GSE1: variants seen among roughly 807,000 people sequenced by gnomAD.
GSE1 encodes Gse1 coiled-coil protein.
Under a neutral mutation model 112.6 loss-of-function variants are expected in GSE1, and 32 were observed. The observed-to-expected ratio is 0.28, with a 90% CI of 0.21 to 0.38. GSE1 has a LOEUF of 0.38. GSE1 is among the 10% of genes least tolerant of loss of function. The probability of loss-of-function intolerance (pLI) is 1.00; values close to 1 mark genes in which losing one functional copy is unlikely to be tolerated. For missense variants in GSE1, 2,348 were observed against 1,699.2 expected, an observed-to-expected ratio of 1.38 and a Z score of -6.71; for synonymous variants, 1,115 against 735.6, an observed-to-expected ratio of 1.52 and a Z score of -8.35.
intron 1 of GSE1, among the ~76,000 whole-genome samples, chr16:85,190,797 C>T (rs964095006): frequency 2.0e-5 from 3 of 152,204 alleles, no homozygotes; most frequent in African/African-American, 7.2e-5. Context: ...AGCTGCCAAG[C>T]CTGTGTGGGA....
chr16:85,652,574 G>A (rs2051461622), intron 3 of GSE1, among the ~76,000 whole-genome samples: 1 of 151,954 alleles, frequency 6.6e-6, no homozygotes, highest in Admixed American at 6.5e-5. Flanking sequence ...GGCTCCTCCA[G>A]TTAATCCTCG....
intron 1 of GSE1, among the ~76,000 whole-genome samples, chr16:85,575,239 C>T (rs1015015883): frequency 2.0e-5 from 3 of 152,242 alleles, no homozygotes; most frequent in Non-Finnish European, 4.4e-5. Flanking sequence ...GCAGCCACCT[C>T]TGCAACCTGC....
intron 2 of GSE1, among the ~76,000 whole-genome samples, chr16:85,639,038 C>T (rs898694594): frequency 2.0e-5 from 3 of 152,192 alleles, no homozygotes; most frequent in Non-Finnish European, 1.5e-5. Flanking sequence ...CAGGTTTGGG[C>T]GTGATCCTGA....
chr16:85,472,645 C>T (rs554286313), intron 2 of GSE1, among the ~76,000 whole-genome samples: 28 of 152,356 alleles, frequency 1.8e-4, no homozygotes, highest in African/African-American at 5.0e-4. Flanking sequence ...GCTCAGGACC[C>T]GGTCTGGCCT....
Position 85,438,374 on chromosome 16 carries a change from C to T in GSE1, c.2464+80731C>T, listed in dbSNP as rs115573338. The stretch of plus-strand genomic sequence containing the variant: ...GTGGCCTCTGGGGAGGGACAGGAGG[C>T]GGAGGGGCGCACCCCGCTCTGTTCT... On this transcript the variant is annotated intron_variant, in intron 2 of 2. Coordinates refer to the GSE1 transcript ENST00000637419. Among the ~76,000 whole-genome samples the T allele has an allele frequency of 3.5e-3, 532 of 152,240 alleles. 4 individuals carry two copies. Among genetic ancestry groups the T allele is most frequent in the African/African-American group, 0.012 (497 of 41,546 alleles).
chr16:85,474,226 G>T (rs2050381539), intron 2 of GSE1, among the ~76,000 whole-genome samples: 1 of 152,052 alleles, frequency 6.6e-6, no homozygotes, highest in African/African-American at 2.4e-5. Context: ...GCAGAGGTTT[G>T]GGCTCTCCAT....
chr16:85,466,725 G>A (rs1249105390), intron 2 of GSE1, among the ~76,000 whole-genome samples: 7 of 150,084 alleles, frequency 4.7e-5, no homozygotes, highest in Middle Eastern at 3.4e-3. Flanking sequence ...GAGAGAGGGA[G>A]AGAGAGGGAG....
intron 1 of GSE1, among the ~76,000 whole-genome samples, chr16:85,354,430 G>A (rs1232915623): frequency 6.6e-6 from 1 of 152,246 alleles, no homozygotes; most frequent in East Asian, 1.9e-4. Flanking sequence ...TCAGTAAAAA[G>A]GGTTGTTTTC....
chr16:85,367,142 C>T (rs760876986), intron 2 of GSE1, among the ~76,000 whole-genome samples: 4 of 152,358 alleles, frequency 2.6e-5, no homozygotes, highest in South Asian at 2.1e-4. Flanking sequence ...TCGGCTGGTC[C>T]GTTTGGCACC....
intron 1 of GSE1, among the ~76,000 whole-genome samples, chr16:85,601,946 C>T (rs7196600): frequency 3.9e-5 from 6 of 152,122 alleles, no homozygotes; most frequent in East Asian, 3.9e-4. Context: ...TCTTAATGAC[C>T]GGCAGTAGGT....
At chr16:85,626,839 C>G (rs548118993) in intron 1 of GSE1, among the ~76,000 whole-genome samples, 2 of 151,758 alleles carry the variant, frequency 1.3e-5, no homozygotes, top group East Asian at 1.9e-4. Context: ...GGAGGGGGAG[C>G]GAGGAATGGG....
chr16:85,424,878 C>T (rs2048932545), intron 2 of GSE1, among the ~76,000 whole-genome samples: 1 of 152,278 alleles, frequency 6.6e-6, no homozygotes. Flanking sequence ...AAAATCATCA[C>T]CCCACGAAGT....
chr16:85,194,368 GA>G (rs2074886919), intron 1 of GSE1, among the ~76,000 whole-genome samples: 1 of 152,210 alleles, frequency 6.6e-6, no homozygotes, highest in African/African-American at 2.4e-5. Flanking sequence ...CAGGAGGTCA[GA>G]GGCTGGTCTG....
intron 1 of GSE1, among the ~76,000 whole-genome samples, chr16:85,195,326 G>C (rs2074906088): frequency 6.6e-6 from 1 of 152,180 alleles, no homozygotes; most frequent in Admixed American, 6.5e-5. Context: ...GGGCAGGCGA[G>C]TTGGAAGAAG....
At chr16:85,426,409 G>T (rs1162359142) in intron 2 of GSE1, among the ~76,000 whole-genome samples, 2 of 141,264 alleles carry the variant, frequency 1.4e-5, no homozygotes, top group Non-Finnish European at 3.1e-5. Context: ...AATGTGGATG[G>T]ATGGATGAGT....
chr16:85,557,355 T>C (rs1007159982), intron 1 of GSE1, among the ~76,000 whole-genome samples: 1 of 151,998 alleles, frequency 6.6e-6, no homozygotes, highest in Non-Finnish European at 1.5e-5. Context: ...TCCCTCCGAG[T>C]TGATCTCCCT....
At chr16:85,650,284 C>CG (rs2051224796) in intron 3 of GSE1, among the ~76,000 whole-genome samples, 1 of 151,770 alleles carries the variant, frequency 6.6e-6, no homozygotes, top group African/African-American at 2.4e-5. Flanking sequence ...AGGCCGCCCC[C>CG]CAGGGCCAGC....
At chr16:85,171,400 C>G in exon 1 of GSE1, 1 of 985,678 alleles carries the variant, frequency 1.0e-6, no homozygotes, top group Non-Finnish European at 1.2e-6. Flanking sequence ...CTTCCCCTTC[C>G]TCACCGTGTA....
intron 1 of GSE1, among the ~76,000 whole-genome samples, chr16:85,203,094 A>T (rs2075058009): frequency 1.3e-5 from 2 of 151,696 alleles, no homozygotes; most frequent in South Asian, 4.2e-4. Context: ...TTCTCCTGAG[A>T]TGCTCACTGC....
Sources: allele counts gnomAD v4.1 joint callset (sites outside exome capture counted in the v4.1 genomes callset), GRCh38; gene constraint gnomAD v4.1.1; transcripts MANE v1.5; gene names NCBI Gene and HGNC (gene_info 2026-07-23, HGNC 2026-07-21).